The following PCDH15 variants were observed in gnomAD, a reference collection of about 807,000 sequenced individuals.
PCDH15 encodes protocadherin related 15, also known as protocadherin-15.
Under a neutral mutation model 178.5 loss-of-function variants are expected in PCDH15, and 129 were observed. That is an observed-to-expected ratio of 0.72 (90% confidence interval 0.63 to 0.84). The LOEUF (loss-of-function observed/expected upper bound fraction) is 0.84, where lower values mean the gene tolerates loss of function less well. PCDH15 is among the 40% of genes least tolerant of loss of function. The pLI is 0.00. For missense variants in PCDH15, 2,230 were observed against 2,099.9 expected (o/e 1.06, Z -1.21); for synonymous variants, 800 against 732.0 (o/e 1.09, Z -1.50).
intron 1 of PCDH15, among the ~76,000 whole-genome samples, chr10:55,283,893 A>G (rs767532595): frequency 6.6e-6 from 1 of 151,886 alleles, no homozygotes; most frequent in Non-Finnish European, 1.5e-5. Context: ...AAAAGTTGTT[A>G]TAGCTGTCAT....
chr10:54,715,460 T>C (rs1220353039), intron 1 of PCDH15, among the ~76,000 whole-genome samples: 1 of 152,128 alleles, frequency 6.6e-6, no homozygotes, highest in Non-Finnish European at 1.5e-5. Flanking sequence ...AGATTGACAC[T>C]GTGAGCTTTA....
In PCDH15 at chr10:54,378,829, T is replaced by TA; in HGVS notation, c.270dup (p.Lys91Ter). On this transcript the variant is annotated frameshift_variant, in exon 4 of 38. Coordinates refer to ENST00000644397, the MANE Select transcript of PCDH15 (RefSeq NM_001384140.1). LOFTEE classifies it high-confidence loss of function. The stretch of plus-strand genomic sequence containing the variant: ...GTGCTGTTCAGGAAAAGCATTTGCT[T>TA]AACAGGATCCATCAACACCCAGTAA... 6.2e-7 allele frequency: 1 copy of TA among 1,613,870 alleles called. No homozygotes were observed.
At chr10:53,818,539 C>A (rs181618154) in intron 33 of PCDH15, among the ~76,000 whole-genome samples, 6 of 151,978 alleles carry the variant, frequency 3.9e-5, no homozygotes, top group African/African-American at 1.4e-4. Flanking sequence ...CTTGCAGGGT[C>A]AATTATAATA....
chr10:55,624,069 A>G (rs1399227119), intron 2 of PCDH15, among the ~76,000 whole-genome samples: 1 of 152,044 alleles, frequency 6.6e-6, no homozygotes, highest in Non-Finnish European at 1.5e-5. Flanking sequence ...TTGTGTAATT[A>G]TTTTACAAAG....
At chr10:54,684,572 T>G (rs2094959965) in intron 1 of PCDH15, among the ~76,000 whole-genome samples, 1 of 152,096 alleles carries the variant, frequency 6.6e-6, no homozygotes, top group African/African-American at 2.4e-5. Context: ...TTTTTTCTCT[T>G]GACACAAGTT....
At chr10:54,848,074 A>G (rs72798515) in intron 3 of PCDH15, among the ~76,000 whole-genome samples, 1 of 152,306 alleles carries the variant, frequency 6.6e-6, no homozygotes, top group Non-Finnish European at 1.5e-5. Flanking sequence ...TCATGGGTTA[A>G]TGGATTAAAA....
intron 8 of PCDH15, among the ~76,000 whole-genome samples, chr10:54,263,327 A>T (rs2057456914): frequency 6.6e-6 from 1 of 152,096 alleles, no homozygotes; most frequent in African/African-American, 2.4e-5. Flanking sequence ...ATCAGCCACT[A>T]AAAGGGTCAC....
chr10:54,049,038 A>G (rs1420571022), intron 18 of PCDH15, among the ~76,000 whole-genome samples: 1 of 152,040 alleles, frequency 6.6e-6, no homozygotes, highest in Non-Finnish European at 1.5e-5. Context: ...GCCATCTATG[A>G]TTTCTTTCAG....
At chr10:55,080,661 T>C (rs1047565605) in intron 2 of PCDH15, among the ~76,000 whole-genome samples, 3 of 152,102 alleles carry the variant, frequency 2.0e-5, no homozygotes, top group Non-Finnish European at 4.4e-5. Flanking sequence ...ATGGAGACTG[T>C]GCTACCAGAG....
chr10:54,920,468 C>CAAAAA (rs71014429), intron 2 of PCDH15, among the ~76,000 whole-genome samples: 592 of 57,798 alleles, frequency 0.01, 63 homozygotes, highest in African/African-American at 0.012. Flanking sequence ...GACTGTGTCT[C>CAAAAA]AAAAAAAAAA....
chr10:55,462,238 T>A (rs11004873), intron 2 of PCDH15, among the ~76,000 whole-genome samples: 48,975 of 151,972 alleles, frequency 0.32, 8,423 homozygotes, highest in East Asian at 0.51. Context: ...TACGATGTAT[T>A]CATTTATATG....
chr10:55,208,802 T>C (rs1382405287), intron 1 of PCDH15, among the ~76,000 whole-genome samples: 1 of 152,064 alleles, frequency 6.6e-6, no homozygotes, highest in Non-Finnish European at 1.5e-5. Flanking sequence ...AAACCTATTA[T>C]TTAGTTATTT....
chr10:54,693,886 A>C (rs1037636029), intron 1 of PCDH15, among the ~76,000 whole-genome samples: 1 of 152,172 alleles, frequency 6.6e-6, no homozygotes, highest in Non-Finnish European at 1.5e-5. Flanking sequence ...GAAATCGTAC[A>C]AGAAAAAACC....
At chr10:54,720,349 G>A (rs963545519) in intron 1 of PCDH15, among the ~76,000 whole-genome samples, 2 of 151,800 alleles carry the variant, frequency 1.3e-5, no homozygotes, top group African/African-American at 4.8e-5. Context: ...CCTCACTAAT[G>A]CATATAGTCA....
intron 8 of PCDH15, among the ~76,000 whole-genome samples, chr10:54,267,398 A>C (rs554867032): frequency 6.6e-6 from 1 of 152,030 alleles, no homozygotes; most frequent in Admixed American, 6.6e-5. Flanking sequence ...ACTCTTATTC[A>C]ACTTAATACT....
chr10:55,095,594 T>C (rs1258947090), intron 2 of PCDH15, among the ~76,000 whole-genome samples: 1 of 152,080 alleles, frequency 6.6e-6, no homozygotes, highest in Non-Finnish European at 1.5e-5. Flanking sequence ...TTTGGAAGAA[T>C]TGTTAACTAT....
At chr10:54,197,876 G>C (rs144150268) in intron 10 of PCDH15, among the ~76,000 whole-genome samples, 4 of 152,032 alleles carry the variant, frequency 2.6e-5, no homozygotes, top group African/African-American at 4.8e-5. Context: ...TAAACCCATA[G>C]GGAGGTAATG....
intron 3 of PCDH15, among the ~76,000 whole-genome samples, chr10:54,854,877 C>G (rs976626540): frequency 2.6e-4 from 40 of 152,298 alleles, no homozygotes; most frequent in African/African-American, 9.6e-4. Flanking sequence ...TGGGGCATTA[C>G]TGGGGACCCA....
intron 10 of PCDH15, among the ~76,000 whole-genome samples, chr10:54,209,211 T>C (rs2051142650): frequency 6.6e-6 from 1 of 152,058 alleles, no homozygotes; most frequent in Non-Finnish European, 1.5e-5. Context: ...CTGTGGGAAA[T>C]TCAGGTAGGG....
Sources: gnomAD v4.1 joint callset for allele counts (sites outside exome capture counted in the v4.1 genomes callset) on GRCh38, gnomAD v4.1.1 for gene constraint, MANE v1.5 for transcripts, NCBI Gene and HGNC (gene_info 2026-07-23, HGNC 2026-07-21) for gene names.